Variants in RASSF1 observed in about 807,000 individuals in gnomAD.
RASSF1 encodes Ras association domain family member 1.
In RASSF1, 33 loss-of-function variants were observed where a neutral mutation model predicts 34.3. That is an observed-to-expected ratio of 0.96 (90% confidence interval 0.73 to 1.29). The LOEUF (loss-of-function observed/expected upper bound fraction) is 1.29, where lower values mean the gene tolerates loss of function less well. RASSF1 is among the 50% of genes most tolerant of loss of function. The probability of loss-of-function intolerance (pLI) is 0.00; values close to 1 mark genes in which losing one functional copy is unlikely to be tolerated. For synonymous variants in RASSF1, 191 were observed against 195.0 expected (o/e 0.98, Z 0.17); for missense variants, 445 against 471.8 (o/e 0.94, Z 0.53).
rs587720660 is a variant in RASSF1, at chr3:50,337,730, A to G, written c.357+175T>C. ...CTTGCAGCGGGTGGAGTACTTGCGGAGCCGGCAATCCAGGCTCCCCTCCCA... is the reference window on the plus strand; with the variant it reads ...CTTGCAGCGGGTGGAGTACTTGCGGGGCCGGCAATCCAGGCTCCCCTCCCA... On this transcript the variant is annotated intron_variant, in intron 2 of 5. Transcript: ENST00000359365. The G allele has an allele frequency of 1.9e-4, 165 of 854,918 alleles. No individual in the cohort carries two copies. In the African/African-American group the frequency reaches 2.5e-3, roughly 13 times the overall value. 53.0% of individuals were successfully genotyped at this position (854,918 alleles called of 1,614,324 possible). A position where few individuals can be genotyped will look rare whatever the true frequency, so the allele number is the denominator to read the frequency against.
rs1177523748 is a variant in RASSF1 at position 50,330,853 on chromosome 3, T to C, written c.877-126A>G. 9.1e-7 allele frequency: 1 copy of C among 1,104,552 alleles called. No homozygotes were observed. The highest frequency in any genetic ancestry group is 2.6e-5 in the East Asian group (1 of 38,470). 68.4% of individuals were successfully genotyped at this position (1,104,552 alleles called of 1,614,324 possible). A position where few individuals can be genotyped will look rare whatever the true frequency, so the allele number is the denominator to read the frequency against. On this transcript the variant is annotated intron_variant, in intron 5 of 5. Coordinates refer to ENST00000359365, the MANE Select transcript of RASSF1 (RefSeq NM_007182.5). This position sits in a 1 kb window ranked among gnomAD's most constrained non-coding sequence, Gnocchi z 4.5. ...GACTGGGCTTTCTGATGTCAGGCTC[T>C]TGGCTGAATGATCTCTGGTAGGATC... is the stretch of plus-strand genomic sequence containing the variant.
intron 2 of RASSF1, chr3:50,336,898 C>T: frequency 2.0e-6 from 1 of 504,664 alleles, no homozygotes; most frequent in Non-Finnish European, 3.5e-6. Flanking sequence ...CTGGATAATG[C>T]CCGGCTCAGG....
At chr3:50,334,052 T>C (rs1432809906) in intron 2 of RASSF1, among the ~76,000 whole-genome samples, 1 of 152,214 alleles carries the variant, frequency 6.6e-6, no homozygotes, top group African/African-American at 2.4e-5. Context: ...ATCTTGTGCC[T>C]AGCCCAGGAG....
At chr3:50,332,010 C>T (rs764167585) in intron 3 of RASSF1, 40 bp downstream of exon 3, 2 of 1,602,950 alleles carry the variant, frequency 1.2e-6, no homozygotes, top group Non-Finnish European at 1.7e-6. Context: ...AGCTGGGTAC[C>T]TGCTCCTCCC....
In RASSF1 at chr3:50,330,421, C is replaced by T; in HGVS notation, c.*160G>A. 13 of 1,013,934 alleles carry T rather than the reference C, an allele frequency of 1.3e-5. No homozygotes were observed. In the South Asian group the frequency reaches 1.9e-4, roughly 15 times the overall value. 62.8% of individuals were successfully genotyped at this position (1,013,934 alleles called of 1,614,324 possible). ...ATACCTGGCTACACCCACAGGTGGA[C>T]ACAGGGAGCAAGCTACTTCGCTGTT... On this transcript the variant is annotated 3_prime_UTR_variant, in exon 6 of 6. Transcript: ENST00000359365. This position sits in a 1 kb window ranked among gnomAD's most constrained non-coding sequence, Gnocchi z 4.5.
At chr3:50,335,881 G>C (rs945086735) in intron 2 of RASSF1, among the ~76,000 whole-genome samples, 2 of 151,720 alleles carry the variant, frequency 1.3e-5, no homozygotes, top group Non-Finnish European at 2.9e-5. Context: ...ATTGGCATTA[G>C]AGGTGTGAGC....
In RASSF1 at chr3:50,330,740, A is replaced by G. The variant is rs372210998; in HGVS notation, c.877-13T>C. The G allele has an allele frequency of 3.1e-6, 5 of 1,613,492 alleles. No individual in the cohort carries two copies. The highest frequency in any genetic ancestry group is 1.3e-5 in the African/African-American group (1 of 75,034). The stretch of plus-strand genomic sequence containing the variant: ...TGAAGGCGTCCCACTGCAAGGGGCA[A>G]AAGGGGAGTGTACAGGCTGCAGAAG... On this transcript the variant is annotated splice_polypyrimidine_tract_variant and intron_variant, in intron 5 of 5. Coordinates refer to ENST00000359365, the MANE Select transcript of RASSF1 (RefSeq NM_007182.5). This position sits in a 1 kb window ranked among gnomAD's most constrained non-coding sequence, Gnocchi z 4.5.
intron 1 of RASSF1, among the ~76,000 whole-genome samples, chr3:50,339,405 G>A (rs1482666399): frequency 3.2e-5 from 4 of 125,876 alleles, no homozygotes; most frequent in East Asian, 4.5e-4. Context: ...TCACTCTGTC[G>A]CCAAGGCTGG....
chr3:50,340,449 C>T (rs1210543349), intron 1 of RASSF1, 107 bp downstream of exon 1: 3 of 1,339,582 alleles, frequency 2.2e-6, no homozygotes, highest in Non-Finnish European at 2.9e-6. Context: ...ACCTAGTCCT[C>T]GGGAGCTGTC....
chr3:50,339,826 C>T (rs980055176), intron 1 of RASSF1, among the ~76,000 whole-genome samples: 1 of 152,192 alleles, frequency 6.6e-6, no homozygotes, highest in African/African-American at 2.4e-5. Flanking sequence ...GATGCTCAAC[C>T]CAGACTCCAT....
chr3:50,340,572 T>C lies in RASSF1; in HGVS notation c.234A>G (p.Lys78=). 6.5e-7 allele frequency: 1 copy of C among 1,543,220 alleles called. No individual in the cohort carries two copies. Among genetic ancestry groups the C allele is most frequent in the Non-Finnish European group, 8.7e-7 (1 of 1,156,016 alleles). ...CGDFIWGVVR[K]GLQCAHCKFT... is the part of the protein sequence containing the mutation. ...ACTACTCACGCGCGCACTGCAGGCC[T>C]TTGCGCACGACGCCCCAGATGAAGT... is the stretch of plus-strand genomic sequence containing the variant. The change falls in exon 1 of 6, where the codon AAA becomes AAG. Residue 78 remains lysine (K), a synonymous_variant. Coordinates refer to ENST00000359365, the MANE Select transcript of RASSF1 (RefSeq NM_007182.5).
rs147124490 is a variant in RASSF1, at chr3:50,339,741, G to A, written c.250+815C>T. Among the ~76,000 whole-genome samples the A allele has an allele frequency of 9.2e-5, 14 of 152,226 alleles. No homozygotes were observed. In the East Asian group the frequency reaches 1.3e-3, roughly 15 times the overall value. On this transcript the variant is annotated intron_variant, in intron 1 of 5. Coordinates refer to ENST00000359365, the MANE Select transcript of RASSF1 (RefSeq NM_007182.5). The stretch of plus-strand genomic sequence containing the variant: ...TGAATTTGTGATGTCCTCTTGTACC[G>A]GATGAGAGGGTCTCCATGCACACAC...
rs776701982 is a variant in RASSF1, at chr3:50,331,341, TC to T, written c.868del (p.Glu290ArgfsTer2). The T allele has an allele frequency of 6.9e-6, 11 of 1,585,288 alleles. No individual in the cohort carries two copies. On this transcript the variant is annotated frameshift_variant, in exon 5 of 6. Coordinates refer to ENST00000359365, the MANE Select transcript of RASSF1 (RefSeq NM_007182.5). LOFTEE classifies it high-confidence loss of function. ...SFVLKENDSGEVNWDAFSMPE... is the reference protein window; with the variant it reads ...SFVLKENDSGXVNWDAFSMPE... ...TAAGAACTATGTACTCACGTTCACC[TC>T]CCCAGAGTCATTTTCCTTCAGGACA...
At chr3:50,339,239 A>C (rs1294025487) in intron 1 of RASSF1, among the ~76,000 whole-genome samples, 11 of 152,202 alleles carry the variant, frequency 7.2e-5, no homozygotes, top group Admixed American at 7.2e-4. Flanking sequence ...ACAAAAGCCC[A>C]AACTTATCTT....
chr3:50,338,185 C>T (rs1464573711), intron 1 of RASSF1, 174 bp from the exon 2 acceptor site: 5 of 1,414,852 alleles, frequency 3.5e-6, no homozygotes, highest in African/African-American at 1.4e-5. Context: ...ACCTGGGCGT[C>T]TGGAAACCGG....
chr3:50,335,156 GC>G (rs1217891581), intron 2 of RASSF1, among the ~76,000 whole-genome samples: 5 of 151,882 alleles, frequency 3.3e-5, no homozygotes, highest in Non-Finnish European at 7.4e-5. Context: ...CACCATTTTG[GC>G]CAGGCTGGTC....
At chr3:50,335,188 T>C (rs373560266) in intron 2 of RASSF1, among the ~76,000 whole-genome samples, 1 of 152,050 alleles carries the variant, frequency 6.6e-6, no homozygotes, top group South Asian at 2.1e-4. Flanking sequence ...GACCTCATGA[T>C]CCACCCACCT....
Position 50,332,140 on chromosome 3 carries a change from C to A in RASSF1, c.372G>T (p.Glu124Asp). The change falls in exon 3 of 6, where the codon GAG (glutamate) becomes GAT (aspartate). Residue 124 changes from glutamate (E) to aspartate (D), a missense_variant. By Grantham distance (45) the Glu-to-Asp change is conservative (BLOSUM62 2). Coordinates refer to ENST00000359365, the MANE Select transcript of RASSF1 (RefSeq NM_007182.5). ...CTTGAGAAAGGTCAGGTGTCTCCCA[C>A]TCCACAGGCTCGTCCTGCAAGATGG... ...ERDTNVDEPVEWETPDLSQAE... is the reference protein window; with the variant it reads ...ERDTNVDEPVDWETPDLSQAE... 1.2e-6 allele frequency: 2 copies of A among 1,614,218 alleles called. No individual in the cohort carries two copies. Among genetic ancestry groups the A allele is most frequent in the Middle Eastern group, 1.6e-4 (1 of 6,062 alleles).
intron 2 of RASSF1, among the ~76,000 whole-genome samples, chr3:50,334,925 C>T (rs1703072962): frequency 6.6e-6 from 1 of 152,148 alleles, no homozygotes; most frequent in Non-Finnish European, 1.5e-5. Flanking sequence ...GGGACCCACC[C>T]TCCACTCTAC....
Sources: allele counts gnomAD v4.1 joint callset (sites outside exome capture counted in the v4.1 genomes callset), GRCh38; gene constraint gnomAD v4.1.1; non-coding constraint Gnocchi (gnomAD v3.1); transcripts MANE v1.5; gene names NCBI Gene and HGNC (gene_info 2026-07-23, HGNC 2026-07-21).